Variants in GPS1 observed in about 807,000 individuals in gnomAD.
GPS1 encodes the protein COP9 signalosome complex subunit 1.
In GPS1, 11 loss-of-function variants were observed where a neutral mutation model predicts 60.0. The ratio of observed to expected loss-of-function variants is 0.18; its 90% confidence interval spans 0.12 to 0.30. GPS1 has a LOEUF of 0.30. GPS1 is among the 10% of genes least tolerant of loss of function. The probability of loss-of-function intolerance (pLI) is 1.00; values close to 1 mark genes in which losing one functional copy is unlikely to be tolerated. For synonymous variants in GPS1, 343 were observed against 269.8 expected (o/e 1.27, Z -2.66); for missense variants, 543 against 669.2 (o/e 0.81, Z 2.08).
At chr17:82,056,212 G>A in intron 8 of GPS1, 74 bp from the exon 9 acceptor site, 1 of 1,371,820 alleles carries the variant, frequency 7.3e-7, no homozygotes, top group Non-Finnish European at 1.0e-6. Flanking sequence ...GTTTGTCTGG[G>A]GACTGGTGTC....
At chr17:82,051,656 C>A (rs1476622743), upstream of GPS1, 1 of 1,019,406 alleles carries the variant, frequency 9.8e-7, no homozygotes, top group South Asian at 4.6e-5. This position sits in a 1 kb window ranked among gnomAD's most constrained non-coding sequence, Gnocchi z 4.1. Context: ...GGGCGGGGGT[C>A]CGGGCCGGGG....
In GPS1 at chr17:82,057,082, G is replaced by A. The variant is rs757134264; in HGVS notation, c.1419G>A (p.Glu473=). ...CGCCCAGAGAAGGGAGCCAGGGGGA[G>A]CTGACTCCAGCCAACAGCCAGTCCC... The part of the protein sequence containing the change: ...KSPPREGSQG[E]LTPANSQSRM... Residue 473 remains glutamate, a synonymous_variant, in exon 13 of 13, where the codon GAG becomes GAA. Transcript: ENST00000578552. 23 of 1,581,332 alleles carry A rather than the reference G, an allele frequency of 1.5e-5. No homozygotes were observed. Among genetic ancestry groups the A allele is most frequent in the Admixed American group, 1.7e-5 (1 of 57,986 alleles).
chr17:82,054,191 C>T (rs2031914054), intron 3 of GPS1, 142 bp downstream of exon 3: 3 of 972,474 alleles, frequency 3.1e-6, no homozygotes, highest in Admixed American at 2.8e-5. Context: ...CTCTTTTGGC[C>T]AGCAGTGGAA....
rs1483162009 is a variant in GPS1 at position 82,051,925 on chromosome 17, G to A, written c.-7G>A. ...TGGACGGCACGCCGCGGCGGGGTGG[G>A]TGCAAGATGCCGCTGCCGGTTCAGG... is the stretch of plus-strand genomic sequence containing the variant. On this transcript the variant is annotated 5_prime_UTR_variant, in exon 1 of 13. The change creates a new upstream start codon in the 5' untranslated region. Coordinates refer to ENST00000578552, the MANE Select transcript of GPS1 (RefSeq NM_001321092.3). The surrounding 1 kb of genome is among the most constrained non-coding windows in gnomAD (Gnocchi z 4.1). The A allele has an allele frequency of 5.2e-6, 6 of 1,163,714 alleles. No homozygotes were observed. In the Admixed American group the frequency reaches 2.8e-4, roughly 55 times the overall value. 72.1% of individuals were successfully genotyped at this position (1,163,714 alleles called of 1,614,324 possible).
rs773870968 is a variant in GPS1 at position 82,056,460 on chromosome 17, C to T, written c.1036-10C>T. 2 of 1,613,172 alleles carry T rather than the reference C, an allele frequency of 1.2e-6. No homozygotes were observed. The highest frequency in any genetic ancestry group is 1.6e-4 in the Middle Eastern group (1 of 6,062). ...CCTCCTGTCCTGGTCCTGACCAGCC[C>T]CTTCCCCAGGACAACCTGCTCCTGG... On this transcript the variant is annotated splice_polypyrimidine_tract_variant and intron_variant, in intron 9 of 12. Coordinates refer to ENST00000578552, the MANE Select transcript of GPS1 (RefSeq NM_001321092.3).
chr17:82,051,761 G>A (rs979230785), upstream of GPS1: 55 of 1,094,478 alleles, frequency 5.0e-5, no homozygotes, highest in Non-Finnish European at 4.9e-5. This position sits in a 1 kb window ranked among gnomAD's most constrained non-coding sequence, Gnocchi z 4.1. Flanking sequence ...CACGCGCGCG[G>A]CTCATGCGGC....
intron 1 of GPS1, chr17:82,052,479 C>T: frequency 1.2e-6 from 2 of 1,603,408 alleles, no homozygotes; most frequent in Non-Finnish European, 1.7e-6. Context: ...AGGACAGGGA[C>T]CCCCGAGCGA....
chr17:82,052,108 CGGGGG>C, intron 1 of GPS1, 144 bp downstream of exon 1: 13 of 838,322 alleles, frequency 1.6e-5, no homozygotes, highest in Non-Finnish European at 1.9e-5. Flanking sequence ...CAGCGCGCGT[CGGGGG>C]CTGCAGGGCC....
Position 82,052,993 on chromosome 17 carries a change from T to C in GPS1, c.34-281T>C, listed in dbSNP as rs144761819. On this transcript the variant is annotated intron_variant, in intron 1 of 12. Transcript: ENST00000578552. ...GTGTAGTTGGTTGTCCCCTGTCTGC[T>C]TTCTGGCTTTCAGAGATGAGCGGCT... 1.6e-4 allele frequency: 47 copies of C among 294,302 alleles called. No individual in the cohort carries two copies. The East Asian group carries it at 2.3e-3, about 15-fold the overall frequency. The allele number at this position is 294,302 out of a possible 1,614,324, so 18.2% of individuals were successfully genotyped here.
intron 1 of GPS1, chr17:82,052,193 C>A: frequency 1.4e-6 from 2 of 1,454,098 alleles, no homozygotes; most frequent in Non-Finnish European, 9.4e-7. Context: ...CCCGCCTCCC[C>A]TCCCAGCAGC....
In GPS1 at chr17:82,054,800, A is replaced by G. The variant is rs2032111237; in HGVS notation, c.599A>G (p.Asn200Ser). The change falls in exon 4 of 13, where the codon AAT (asparagine) becomes AGT (serine). Residue 200 changes from asparagine to serine, a missense_variant. Transcript: ENST00000578552. Reference sequence around the variant, plus strand: ...AAACACGTCATCAACATGTGCCTCAATGTCATCAAGGTCGGCCTGCCTCGG... The same window carrying G: ...AAACACGTCATCAACATGTGCCTCAGTGTCATCAAGGTCGGCCTGCCTCGG... ...SAKHVINMCL[N>S]VIKVSVYLQN... The G allele has an allele frequency of 1.2e-6, 2 of 1,600,412 alleles. No individual in the cohort carries two copies. The highest frequency in any genetic ancestry group is 1.7e-6 in the Non-Finnish European group (2 of 1,171,912).
At chr17:82,051,285 G>A (rs761132806), upstream of GPS1, 7 of 1,384,020 alleles carry the variant, frequency 5.1e-6, no homozygotes, top group South Asian at 2.0e-5. The surrounding 1 kb of genome is among the most constrained non-coding windows in gnomAD (Gnocchi z 4.1). Context: ...GGGAGTGGGG[G>A]ACACTCACCG....
chr17:82,052,248 C>T (rs1175391643), intron 1 of GPS1: 1 of 1,605,390 alleles, frequency 6.2e-7, no homozygotes, highest in East Asian at 2.2e-5. Context: ...CGCTCTTTCT[C>T]CCTTCAGCAG....
chr17:82,051,324 C>CG (rs749555015), upstream of GPS1: 59 of 1,446,652 alleles, frequency 4.1e-5, no homozygotes, highest in Admixed American at 1.8e-4. This position sits in a 1 kb window ranked among gnomAD's most constrained non-coding sequence, Gnocchi z 4.1. Flanking sequence ...GGGTCGTCCC[C>CG]GTCGGTGAAG....
intron 3 of GPS1, 39 bp from the exon 4 acceptor site, chr17:82,054,471 C>A: frequency 1.4e-6 from 2 of 1,455,070 alleles, no homozygotes; most frequent in South Asian, 1.4e-5. Context: ...CCCTGGCCCC[C>A]GTGACCGCCG....
chr17:82,054,915 G>C lies in GPS1; in HGVS notation c.627G>C (p.Gln209His). 1 of 1,598,638 alleles carries C rather than the reference G, an allele frequency of 6.3e-7. No homozygotes were observed. Among genetic ancestry groups the C allele is most frequent in the Non-Finnish European group, 8.5e-7 (1 of 1,170,156 alleles). ...LNVIKVSVYL[Q>H]NWSHVLSYVS... ...CCCGCCAGGTCAGCGTCTACTTGCA[G>C]AATTGGTCTCATGTGCTCAGCTACG... The change falls in exon 5 of 13, where the codon CAG becomes CAC. Residue 209 changes from glutamine (Q) to histidine (H), a missense_variant. Gln to His is a conservative substitution (Grantham distance 24). Around this residue, in one of 3 missense-constraint regions of GPS1, gnomAD observed 71 missense variants for 126.7 expected, o/e 0.56. Transcript: ENST00000578552.
intron 1 of GPS1, chr17:82,052,387 C>T (rs369798418): frequency 5.0e-6 from 8 of 1,612,224 alleles, no homozygotes; most frequent in East Asian, 2.2e-5. Flanking sequence ...GTAGGTCAGA[C>T]CTCGTCCTGC....
intron 1 of GPS1, 111 bp from the exon 2 acceptor site, chr17:82,053,163 G>T: frequency 3.7e-6 from 3 of 815,756 alleles, no homozygotes; most frequent in Non-Finnish European, 3.5e-6. Flanking sequence ...AGTGTGGTCC[G>T]ACTGGCCTGG....
At chr17:82,052,259 C>T (rs763693350) in intron 1 of GPS1, 1 of 1,610,186 alleles carries the variant, frequency 6.2e-7, no homozygotes, top group Non-Finnish European at 8.5e-7. Context: ...CCTTCAGCAG[C>T]CAGCCAGCTC....
Sources: allele counts gnomAD v4.1 joint callset, GRCh38; gene constraint gnomAD v4.1.1; regional missense constraint gnomAD v4.1.1; non-coding constraint Gnocchi (gnomAD v3.1); transcripts MANE v1.5; gene names NCBI Gene and HGNC (gene_info 2026-07-23, HGNC 2026-07-21).